The following GRB10 variants were observed in gnomAD, a reference collection of about 807,000 sequenced individuals.
The protein encoded by GRB10 is growth factor receptor bound protein 10.
GRB10 carries 20 observed loss-of-function variants against 80.9 expected under a neutral mutation model. That is an observed-to-expected ratio of 0.25 (90% CI 0.17 to 0.36). The LOEUF is 0.36. Among genes scored for constraint, GRB10 ranks in the 10% least tolerant of loss-of-function variants. The pLI is 1.00. For synonymous variants in GRB10, 291 were observed against 291.5 expected, an observed-to-expected ratio of 1.00 and a Z score of 0.02; for missense variants, 548 against 747.7, an observed-to-expected ratio of 0.73 and a Z score of 3.12.
chr7:50,653,237 G>C (rs1395184579), intron 7 of GRB10, among the ~76,000 whole-genome samples: 1 of 152,178 alleles, frequency 6.6e-6, no homozygotes, highest in Non-Finnish European at 1.5e-5. Context: ...TGCATGCTCC[G>C]AGGGAGGACT....
chr7:50,744,972 G>C (rs1214977579), intron 3 of GRB10, among the ~76,000 whole-genome samples: 1 of 152,000 alleles, frequency 6.6e-6, no homozygotes, highest in East Asian at 1.9e-4. Flanking sequence ...TGTAAGTTTT[G>C]ACAAACTTTA....
At chr7:50,748,842 G>A (rs1310324763) in intron 3 of GRB10, among the ~76,000 whole-genome samples, 2 of 152,196 alleles carry the variant, frequency 1.3e-5, no homozygotes, top group African/African-American at 2.4e-5. Context: ...AGACCCACGT[G>A]TGCAAAATGT....
chr7:50,628,685 G>C (rs1343034568), intron 7 of GRB10, among the ~76,000 whole-genome samples: 3 of 152,270 alleles, frequency 2.0e-5, no homozygotes, highest in Admixed American at 6.5e-5. Context: ...TCTCAGGTAG[G>C]GTCACTGCCC....
At chr7:50,605,216 T>C (rs1320859780) in intron 15 of GRB10, 74 bp downstream of exon 15, 8 of 1,163,630 alleles carry the variant, frequency 6.9e-6, no homozygotes, top group Non-Finnish European at 1.0e-5. Flanking sequence ...GAGCTGTTCC[T>C]CTGGGAGAAG....
intron 7 of GRB10, among the ~76,000 whole-genome samples, chr7:50,633,449 G>C (rs2054379176): frequency 6.6e-6 from 1 of 152,174 alleles, no homozygotes; most frequent in South Asian, 2.1e-4. Context: ...TCAAAAATAA[G>C]TAGTGACCGC....
rs186555246 is a variant in GRB10, at chr7:50,599,989, C to T, written c.1544+4009G>A. Among the ~76,000 whole-genome samples the T allele has an allele frequency of 2.0e-3, 308 of 152,298 alleles. 2 individuals carry two copies. Among genetic ancestry groups the T allele is most frequent in the African/African-American group, 7.1e-3 (295 of 41,562 alleles). ...TTCGCCTCGGGATGATGGGCGTCCT[C>T]ACTGCCCTGGCCTTGGGGAGGACAC... On this transcript the variant is annotated intron_variant, in intron 17 of 18. Transcript: ENST00000401949.
intron 13 of GRB10, among the ~76,000 whole-genome samples, chr7:50,611,375 C>T (rs2049502629): frequency 6.6e-6 from 1 of 152,250 alleles, no homozygotes; most frequent in Non-Finnish European, 1.5e-5. Flanking sequence ...CCAGTTCCCA[C>T]TGATGACCCT....
intron 6 of GRB10, 58 bp downstream of exon 6, chr7:50,674,378 G>T: frequency 6.7e-7 from 1 of 1,501,356 alleles, no homozygotes. Flanking sequence ...AGAGAGCAGT[G>T]TCCCTGCCGA....
chr7:50,636,355 G>T (rs572796820), intron 7 of GRB10, among the ~76,000 whole-genome samples: 2 of 152,204 alleles, frequency 1.3e-5, no homozygotes, highest in Middle Eastern at 6.8e-3. Flanking sequence ...AATTTGAGAA[G>T]AAATTCTTTC....
intron 3 of GRB10, among the ~76,000 whole-genome samples, chr7:50,751,132 C>T (rs1368574272): frequency 6.6e-6 from 1 of 152,160 alleles, no homozygotes; most frequent in Non-Finnish European, 1.5e-5. Context: ...ACACTGCCCT[C>T]CTCACCACTC....
At chr7:50,647,141 C>T (rs2057317569) in intron 7 of GRB10, among the ~76,000 whole-genome samples, 1 of 151,360 alleles carries the variant, frequency 6.6e-6, no homozygotes, top group Admixed American at 6.6e-5. Context: ...AACAACAAAA[C>T]AAACTCACTT....
At chr7:50,653,673 G>T (rs184245976) in intron 7 of GRB10, among the ~76,000 whole-genome samples, 1 of 152,178 alleles carries the variant, frequency 6.6e-6, no homozygotes, top group Non-Finnish European at 1.5e-5. Context: ...CACTTCAGCC[G>T]CTGGCCTCCC....
At chr7:50,789,608 C>T (rs939475751) in intron 1 of GRB10, among the ~76,000 whole-genome samples, 2 of 152,168 alleles carry the variant, frequency 1.3e-5, no homozygotes, top group African/African-American at 2.4e-5. Flanking sequence ...TCAGGCTTGA[C>T]GTTAACAACA....
chr7:50,792,305 T>C, intron 1 of GRB10: 1 of 365,318 alleles, frequency 2.7e-6, no homozygotes, highest in Admixed American at 4.6e-5. Flanking sequence ...TCAAACGCAT[T>C]GTAAAGATCC....
intron 4 of GRB10, among the ~76,000 whole-genome samples, chr7:50,727,459 C>A (rs1249675403): frequency 2.0e-5 from 3 of 152,156 alleles, no homozygotes; most frequent in African/African-American, 4.8e-5. Context: ...GGTAAGCGAA[C>A]AAACAAATTA....
In GRB10 at chr7:50,692,306, A is replaced by G. The variant is rs562546114; in HGVS notation, c.139+11515T>C. Among the ~76,000 whole-genome samples the G allele has an allele frequency of 5.3e-5, 8 of 152,176 alleles. No homozygotes were observed. In the East Asian group the frequency reaches 7.7e-4, roughly 15 times the overall value. ...CAACTGTGTACACACACACACACAC[A>G]CGCACACATATATATATAATGAATA... On this transcript the variant is annotated intron_variant, in intron 5 of 18. Coordinates refer to ENST00000401949, the MANE Select transcript of GRB10 (RefSeq NM_001350814.2).
intron 3 of GRB10, among the ~76,000 whole-genome samples, chr7:50,737,755 A>T (rs2071053218): frequency 6.6e-6 from 1 of 152,252 alleles, no homozygotes; most frequent in East Asian, 1.9e-4. Context: ...AGGCTGAAGC[A>T]GGAGAATTGC....
intron 5 of GRB10, among the ~76,000 whole-genome samples, chr7:50,695,547 G>A (rs2153661955): frequency 6.6e-6 from 1 of 152,252 alleles, no homozygotes; most frequent in South Asian, 2.1e-4. Context: ...TGTCCACTGG[G>A]CTAATGAGGT....
At chr7:50,769,281 T>C (rs1234191231) in intron 2 of GRB10, among the ~76,000 whole-genome samples, 2 of 152,206 alleles carry the variant, frequency 1.3e-5, no homozygotes, top group Non-Finnish European at 1.5e-5. Context: ...TCTGAATCTT[T>C]TTAGAATTCC....
Sources: allele counts gnomAD v4.1 joint callset (sites outside exome capture counted in the v4.1 genomes callset), GRCh38; gene constraint gnomAD v4.1.1; transcripts MANE v1.5; gene names NCBI Gene and HGNC (gene_info 2026-07-23, HGNC 2026-07-21).